Variants in CAVIN2 observed in about 807,000 individuals in gnomAD.
CAVIN2 encodes caveolae-associated protein 2.
Under a neutral mutation model 11.7 loss-of-function variants are expected in CAVIN2, and 13 were observed. The ratio of observed to expected loss-of-function variants is 1.11; its 90% CI spans 0.72 to 1.77. The LOEUF (loss-of-function observed/expected upper bound fraction) is 1.77. Among genes scored for constraint, CAVIN2 ranks in the 40% most tolerant of loss-of-function variants. CAVIN2 has a pLI of 0.00. For synonymous variants in CAVIN2, 237 were observed against 223.2 expected, an observed-to-expected ratio of 1.06 and a Z score of -0.55; for missense variants, 549 against 542.9, an observed-to-expected ratio of 1.01 and a Z score of -0.11.
chr2:191,836,044 G>A lies in CAVIN2; in HGVS notation c.1157C>T (p.Ala386Val). The change falls in exon 2 of 2, where the codon GCC (alanine) becomes GTC (valine). Residue 386 changes from alanine (A) to valine (V), a missense_variant. By Grantham distance (64) the Ala-to-Val change is moderately conservative. Coordinates refer to ENST00000304141, the MANE Select transcript of CAVIN2 (RefSeq NM_004657.6). The stretch of plus-strand genomic sequence containing the variant: ...GCGTACCTTCTGTGCCTGTTCCAGG[G>A]CCACTGACTCCTCCTCTTCATCTTC... ...IVEDEEEESV[A>V]LEQAQKVRYE... is the part of the protein sequence containing the mutation. 1 of 1,614,196 alleles carries A rather than the reference G, an allele frequency of 6.2e-7. No individual in the cohort carries two copies. Among genetic ancestry groups the A allele is most frequent in the Non-Finnish European group, 8.5e-7 (1 of 1,180,044 alleles).
chr2:191,840,929 A>C (rs185173190), intron 1 of CAVIN2, among the ~76,000 whole-genome samples: 5 of 152,362 alleles, frequency 3.3e-5, no homozygotes, highest in Non-Finnish European at 4.4e-5. Flanking sequence ...GGATATGAAG[A>C]CCATAAATTT....
intron 1 of CAVIN2, among the ~76,000 whole-genome samples, chr2:191,842,243 CT>C (rs758387073): frequency 6.6e-6 from 1 of 152,190 alleles, no homozygotes; most frequent in Admixed American, 6.5e-5. Context: ...AATAGCTAAC[CT>C]TTCTACTTTT....
rs1689984699 is a variant in CAVIN2 at position 191,834,563 on chromosome 2, T to C, written c.*1360A>G. The C allele has an allele frequency of 6.6e-6, 1 of 152,204 alleles. No individual in the cohort carries two copies. The highest frequency in any genetic ancestry group is 1.5e-5 in the Non-Finnish European group (1 of 68,018). The allele number at this position is 152,204 out of a possible 1,614,324, so 9.4% of individuals were successfully genotyped here. On this transcript the variant is annotated 3_prime_UTR_variant, in exon 2 of 2. Transcript: ENST00000304141. ...GCAGGGGATTTGCTTCCTGGGCCAA[T>C]TGTCTTTAAACTATAATTTAAGAAA...
In CAVIN2 at chr2:191,835,769, G is replaced by A. The variant is rs1690003593; in HGVS notation, c.*154C>T. The A allele has an allele frequency of 2.8e-6, 2 of 707,310 alleles. No individual in the cohort carries two copies. The highest frequency in any genetic ancestry group is 4.5e-6 in the Non-Finnish European group (2 of 440,096). 43.8% of individuals were successfully genotyped at this position (707,310 alleles called of 1,614,324 possible). A position where few individuals can be genotyped will look rare whatever the true frequency, so the allele number is the denominator to read the frequency against. On this transcript the variant is annotated 3_prime_UTR_variant, in exon 2 of 2. Transcript: ENST00000304141. Reference sequence around the variant, plus strand: ...CAGGTCGCTTTCATGGTAAAGCCTGGTCTCGTGTGTCTTACTATGACTATA... The same window carrying A: ...CAGGTCGCTTTCATGGTAAAGCCTGATCTCGTGTGTCTTACTATGACTATA...
Position 191,845,734 on chromosome 2 carries a change from G to A in CAVIN2, c.483+709C>T, listed in dbSNP as rs535189030. Among the ~76,000 whole-genome samples, 4 of 152,282 alleles carry A rather than the reference G, an allele frequency of 2.6e-5. No homozygotes were observed. In the East Asian group the frequency reaches 7.7e-4, roughly 29 times the overall value. On this transcript the variant is annotated intron_variant, in intron 1 of 1. Coordinates refer to ENST00000304141, the MANE Select transcript of CAVIN2 (RefSeq NM_004657.6). ...TTTGAAGGAGAAACATTTAAGACTAGCCTTTGTGACTATAACTGATAACAC... is the reference window on the plus strand; with the variant it reads ...TTTGAAGGAGAAACATTTAAGACTAACCTTTGTGACTATAACTGATAACAC...
intron 1 of CAVIN2, among the ~76,000 whole-genome samples, chr2:191,844,642 C>G (rs567556522): frequency 6.6e-6 from 1 of 152,256 alleles, no homozygotes; most frequent in South Asian, 2.1e-4. Flanking sequence ...GCTGCAATTT[C>G]ACACCTGTCA....
Position 191,846,758 on chromosome 2 carries a change from G to C in CAVIN2, c.168C>G (p.Val56=). ...AIRDNSQVNA[V]TVLTLLDKLV... is the part of the protein sequence containing the mutation. ...GCTTGTCCAGGAGCGTGAGCACCGT[G>C]ACTGCGTTCACCTGTGAGTTGTCCC... Residue 56 remains valine, a synonymous_variant, in exon 1 of 2, where the codon GTC becomes GTG. Coordinates refer to ENST00000304141, the MANE Select transcript of CAVIN2 (RefSeq NM_004657.6). The C allele has an allele frequency of 6.2e-7, 1 of 1,614,182 alleles. No individual in the cohort carries two copies. The highest frequency in any genetic ancestry group is 8.5e-7 in the Non-Finnish European group (1 of 1,180,024).
intron 1 of CAVIN2, among the ~76,000 whole-genome samples, chr2:191,837,306 G>A (rs1206748058): frequency 2.0e-5 from 3 of 152,184 alleles, no homozygotes; most frequent in Non-Finnish European, 4.4e-5. Context: ...TGAGGACATC[G>A]TTTAAGAGTG....
At chr2:191,843,178 C>T (rs1333407841) in intron 1 of CAVIN2, among the ~76,000 whole-genome samples, 7 of 152,008 alleles carry the variant, frequency 4.6e-5, no homozygotes, top group Admixed American at 2.6e-4. Context: ...AGCGAGACTC[C>T]GTCTCAAAGA....
chr2:191,847,046 G>C lies in CAVIN2; in HGVS notation c.-121C>G. The C allele has an allele frequency of 1.5e-6, 2 of 1,319,594 alleles. No individual in the cohort carries two copies. The highest frequency in any genetic ancestry group is 2.0e-6 in the Non-Finnish European group (2 of 977,382). The allele number at this position is 1,319,594 out of a possible 1,614,324, so 81.7% of individuals were successfully genotyped here. A position where few individuals can be genotyped will look rare whatever the true frequency, so the allele number is the denominator to read the frequency against. ...TGGAGCTCAGGGCACCAGTCTCCAGGACTGGCAGAGGTTCAGACAGGCAAC... is the reference window on the plus strand; with the variant it reads ...TGGAGCTCAGGGCACCAGTCTCCAGCACTGGCAGAGGTTCAGACAGGCAAC... On this transcript the variant is annotated 5_prime_UTR_variant, in exon 1 of 2. Coordinates refer to ENST00000304141, the MANE Select transcript of CAVIN2 (RefSeq NM_004657.6).
intron 1 of CAVIN2, 56 bp downstream of exon 1, chr2:191,846,387 A>T (rs1690165373): frequency 6.5e-7 from 1 of 1,527,384 alleles, no homozygotes; most frequent in South Asian, 1.3e-5. Context: ...GATGAGCGAG[A>T]TCAAGAATGA....
intron 1 of CAVIN2, among the ~76,000 whole-genome samples, chr2:191,845,295 CT>C (rs757744257): frequency 6.6e-6 from 1 of 152,216 alleles, no homozygotes; most frequent in Non-Finnish European, 1.5e-5. Context: ...AGGAAGGCTT[CT>C]AACTTGGCAG....
intron 1 of CAVIN2, among the ~76,000 whole-genome samples, chr2:191,844,561 G>A (rs1433039750): frequency 6.6e-6 from 1 of 152,104 alleles, no homozygotes; most frequent in African/African-American, 2.4e-5. Flanking sequence ...GATATTCTTA[G>A]CTTCCAGTTT....
rs549203831 is a variant in CAVIN2 at position 191,834,867 on chromosome 2, A to T, written c.*1056T>A. 6.6e-6 allele frequency: 1 copy of T among 152,056 alleles called. No individual in the cohort carries two copies. Among genetic ancestry groups the T allele is most frequent in the Non-Finnish European group, 1.5e-5 (1 of 67,920 alleles). 9.4% of individuals were successfully genotyped at this position (152,056 alleles called of 1,614,324 possible). A position where few individuals can be genotyped will look rare whatever the true frequency, so the allele number is the denominator to read the frequency against. On this transcript the variant is annotated 3_prime_UTR_variant, in exon 2 of 2. Transcript: ENST00000304141. The stretch of plus-strand genomic sequence containing the variant: ...TATAAGCCTACATCACATCACATGG[A>T]ATGTAAGGGTTAGTTTAAATTTGAA...
At chr2:191,836,813 G>A in intron 1 of CAVIN2, 96 bp from the exon 2 acceptor site, 1 of 1,187,424 alleles carries the variant, frequency 8.4e-7, no homozygotes, top group South Asian at 1.6e-5. Context: ...GAGACACGGT[G>A]ATGGTAAAAA....
rs1689990066 is a variant in CAVIN2 at position 191,834,921 on chromosome 2, T to G, written c.*1002A>C. ...CATTAAAGAATAGTATGAGCTAAGTTTCCACAAAACAGTATATATTAATTG... is the reference window on the plus strand; with the variant it reads ...CATTAAAGAATAGTATGAGCTAAGTGTCCACAAAACAGTATATATTAATTG... On this transcript the variant is annotated 3_prime_UTR_variant, in exon 2 of 2. Coordinates refer to ENST00000304141, the MANE Select transcript of CAVIN2 (RefSeq NM_004657.6). 1 of 152,090 alleles carries G rather than the reference T, an allele frequency of 6.6e-6. No homozygotes were observed. The highest frequency in any genetic ancestry group is 1.5e-5 in the Non-Finnish European group (1 of 67,954). 9.4% of individuals were successfully genotyped at this position (152,090 alleles called of 1,614,324 possible). A position where few individuals can be genotyped will look rare whatever the true frequency, so the allele number is the denominator to read the frequency against.
chr2:191,841,765 A>C (rs1366029491), intron 1 of CAVIN2, among the ~76,000 whole-genome samples: 2 of 152,214 alleles, frequency 1.3e-5, no homozygotes, highest in Non-Finnish European at 2.9e-5. Context: ...GCTGCATCTG[A>C]AGGAGTCTAG....
intron 1 of CAVIN2, among the ~76,000 whole-genome samples, chr2:191,839,643 G>A (rs1690067842): frequency 6.6e-6 from 1 of 152,166 alleles, no homozygotes; most frequent in South Asian, 2.1e-4. Context: ...AACCCAGCAG[G>A]AACAGAGATA....
At chr2:191,841,543 AT>A (rs1690093055) in intron 1 of CAVIN2, among the ~76,000 whole-genome samples, 1 of 152,212 alleles carries the variant, frequency 6.6e-6, no homozygotes, top group East Asian at 1.9e-4. Context: ...CAGCTCTAAC[AT>A]GTTTGATTCT....
Sources: gnomAD v4.1 joint callset for allele counts (sites outside exome capture counted in the v4.1 genomes callset) on GRCh38, gnomAD v4.1.1 for gene constraint, MANE v1.5 for transcripts, NCBI Gene and HGNC (gene_info 2026-07-23, HGNC 2026-07-21) for gene names.